ARL11: variants seen among roughly 807,000 people sequenced by gnomAD.
The protein encoded by ARL11 is ARF like GTPase 11, also known as ADP-ribosylation factor-like protein 11.
For synonymous variants in ARL11, 91 were observed against 111.2 expected, an observed-to-expected ratio of 0.82 and a Z score of 1.15; for missense variants, 239 against 250.6, an observed-to-expected ratio of 0.95 and a Z score of 0.31.
In ARL11 at chr13:49,632,570, A is replaced by G. The variant is rs1231204636; in HGVS notation, c.*1532A>G. ...TAACAATCACTGATGTGGTTGTTGT[A>G]TCCCTCATCCAACCCCAGAACACTT... On this transcript the variant is annotated 3_prime_UTR_variant, in exon 2 of 2. Coordinates refer to ENST00000282026, the MANE Select transcript of ARL11 (RefSeq NM_138450.6). 1 of 167,120 alleles carries G rather than the reference A, an allele frequency of 6.0e-6. No homozygotes were observed. The highest frequency in any genetic ancestry group is 1.5e-5 in the Non-Finnish European group (1 of 68,130). 10.4% of individuals were successfully genotyped at this position (167,120 alleles called of 1,614,324 possible). A position where few individuals can be genotyped will look rare whatever the true frequency, so the allele number is the denominator to read the frequency against.
Position 49,629,647 on chromosome 13 carries a change from T to G in ARL11, c.-18-783T>G, listed in dbSNP as rs568214195. 7.9e-5 allele frequency among the ~76,000 whole-genome samples: 12 copies of G among 152,308 alleles called. No individual in the cohort carries two copies. In the South Asian group the frequency reaches 2.5e-3, roughly 32 times the overall value. On this transcript the variant is annotated intron_variant, in intron 1 of 1. Coordinates refer to ENST00000282026, the MANE Select transcript of ARL11 (RefSeq NM_138450.6). Reference sequence around the variant, plus strand: ...GTACCGGTGTGTAGCCCAGGAGCAATGGGCCATACCATATAGCCTAGGTGT... The same window carrying G: ...GTACCGGTGTGTAGCCCAGGAGCAAGGGGCCATACCATATAGCCTAGGTGT...
At position 49,630,312 on chromosome 13, in the gene ARL11, T is replaced by C. The variant is rs961913673; in HGVS notation, c.-18-118T>C. ...GTTTGAAACTCCTGGGCTCAAGTGA[T>C]CCTCCTGCCTTGGCCTCCCACAGTG... On this transcript the variant is annotated intron_variant, in intron 1 of 1. Transcript: ENST00000282026. The C allele has an allele frequency of 2.5e-5, 18 of 712,870 alleles. No individual in the cohort carries two copies. The African/African-American group carries it at 3.2e-4, about 13-fold the overall frequency. 44.2% of individuals were successfully genotyped at this position (712,870 alleles called of 1,614,324 possible). A position where few individuals can be genotyped will look rare whatever the true frequency, so the allele number is the denominator to read the frequency against.
At chr13:49,629,993 T>G (rs1350436498) in intron 1 of ARL11, 1 of 156,676 alleles carries the variant, frequency 6.4e-6, no homozygotes, top group Non-Finnish European at 1.4e-5. Context: ...CAGCTCTGTC[T>G]GACTGGAACT....
rs554225519 is a variant in ARL11, at chr13:49,632,221, T to C, written c.*1183T>C. On this transcript the variant is annotated 3_prime_UTR_variant, in exon 2 of 2. Transcript: ENST00000282026. ...AAGATCAGATCAATAAAATATTTTA[T>C]TTATTCATTAATTTAACAAAAAAAA... is the stretch of plus-strand genomic sequence containing the variant. The C allele has an allele frequency of 6.0e-6, 1 of 167,116 alleles. No individual in the cohort carries two copies. Among genetic ancestry groups the C allele is most frequent in the South Asian group, 2.1e-4 (1 of 4,826 alleles). 10.4% of individuals were successfully genotyped at this position (167,116 alleles called of 1,614,324 possible).
chr13:49,629,871 C>T (rs1964863620), intron 1 of ARL11, among the ~76,000 whole-genome samples: 1 of 152,210 alleles, frequency 6.6e-6, no homozygotes. Flanking sequence ...TCACTCTGTG[C>T]ATGGAACCCA....
At position 49,630,654 on chromosome 13, in the gene ARL11, G is replaced by T. The variant is rs745917227; in HGVS notation, c.207G>T (p.Pro69=). ...LTLWDVGGQA[P]LRASWKDYLE... ...TCTGGGACGTTGGGGGGCAGGCCCC[G>T]CTCAGAGCCAGCTGGAAGGACTATC... The change falls in exon 2 of 2, where the codon CCG becomes CCT. Residue 69 remains proline (P), a synonymous_variant. Transcript: ENST00000282026. 5.6e-6 allele frequency: 9 copies of T among 1,613,994 alleles called. No individual in the cohort carries two copies. In the South Asian group the frequency reaches 7.7e-5, roughly 14 times the overall value.
At position 49,632,115 on chromosome 13, in the gene ARL11, T is replaced by C. The variant is rs1379227442; in HGVS notation, c.*1077T>C. ...ATTAGCCTCTCCCGATTTTATGACA[T>C]CTTGTGTTGATCTTTTTCAAAAACT... On this transcript the variant is annotated 3_prime_UTR_variant, in exon 2 of 2. Transcript: ENST00000282026. 1 of 167,110 alleles carries C rather than the reference T, an allele frequency of 6.0e-6. No individual in the cohort carries two copies. Among genetic ancestry groups the C allele is most frequent in the African/African-American group, 2.4e-5 (1 of 41,474 alleles). 10.4% of individuals were successfully genotyped at this position (167,110 alleles called of 1,614,324 possible). A position where few individuals can be genotyped will look rare whatever the true frequency, so the allele number is the denominator to read the frequency against.
Position 49,631,244 on chromosome 13 carries a change from A to C in ARL11, c.*206A>C. ...ACATCACAACACCCCATTTCTACTA[A>C]TAATCAAAAAATTGGCCGGGCATGG... On this transcript the variant is annotated 3_prime_UTR_variant, in exon 2 of 2. Coordinates refer to ENST00000282026, the MANE Select transcript of ARL11 (RefSeq NM_138450.6). 2.1e-6 allele frequency: 1 copy of C among 475,524 alleles called. No individual in the cohort carries two copies. Among genetic ancestry groups the C allele is most frequent in the Non-Finnish European group, 3.7e-6 (1 of 267,770 alleles). 29.5% of individuals were successfully genotyped at this position (475,524 alleles called of 1,614,324 possible).
In ARL11 at chr13:49,630,701, T is replaced by C. The variant is rs1237259832; in HGVS notation, c.254T>C (p.Val85Ala). ...KDYLEGTDIL[V>A]YVLDSTDEAR... ...TATCTGGAAGGCACAGATATCCTCG[T>C]GTACGTGCTGGACAGCACAGATGAA... The change falls in exon 2 of 2, where the codon GTG (valine) becomes GCG (alanine). Residue 85 changes from valine (V) to alanine (A), a missense_variant. By Grantham distance (64) the Val-to-Ala change is moderately conservative (BLOSUM62 0). Transcript: ENST00000282026. 6.2e-7 allele frequency: 1 copy of C among 1,614,110 alleles called. No homozygotes were observed. The highest frequency in any genetic ancestry group is 1.7e-5 in the Admixed American group (1 of 60,018).
chr13:49,630,221 T>G, intron 1 of ARL11: 29 of 486,634 alleles, frequency 6.0e-5, no homozygotes, highest in Middle Eastern at 5.6e-4. Context: ...CCTGCACAGA[T>G]TTGTGCTCCA....
chr13:49,630,797 T>C lies in ARL11; in HGVS notation c.350T>C (p.Phe117Ser), dbSNP rs1964876684. 1 of 1,611,858 alleles carries C rather than the reference T, an allele frequency of 6.2e-7. No homozygotes were observed. The highest frequency in any genetic ancestry group is 1.3e-5 in the African/African-American group (1 of 74,868). ...LNDPNMAGVPFLVLANKQEAP... is the reference protein window; with the variant it reads ...LNDPNMAGVPSLVLANKQEAP... ...GACCCCAACATGGCTGGCGTCCCCT[T>C]CTTGGTGCTGGCCAACAAGCAGGAG... The change falls in exon 2 of 2, where the codon TTC (phenylalanine) becomes TCC (serine). Residue 117 changes from phenylalanine (F) to serine (S), a missense_variant. By Grantham distance (155) the Phe-to-Ser change is radical. Transcript: ENST00000282026.
At chr13:49,630,177 T>C in intron 1 of ARL11, 1 of 376,494 alleles carries the variant, frequency 2.7e-6, no homozygotes, top group Non-Finnish European at 4.9e-6. Flanking sequence ...CTGTGAAGAC[T>C]TTTCCTGTTT....
At chr13:49,629,138 C>G (rs139969053) in intron 1 of ARL11, among the ~76,000 whole-genome samples, 4 of 152,092 alleles carry the variant, frequency 2.6e-5, no homozygotes, top group Non-Finnish European at 5.9e-5. Context: ...TGGCACATGC[C>G]CATAGTCCCA....
At chr13:49,630,175 A>T in intron 1 of ARL11, 1 of 368,400 alleles carries the variant, frequency 2.7e-6, no homozygotes, top group African/African-American at 2.1e-5. Flanking sequence ...CCCTGTGAAG[A>T]CTTTTCCTGT....
chr13:49,630,650 C>A lies in ARL11; in HGVS notation c.203C>A (p.Ala68Asp), dbSNP rs747265258. ...SLTLWDVGGQAPLRASWKDYL... is the reference protein window; with the variant it reads ...SLTLWDVGGQDPLRASWKDYL... Reference sequence around the variant, plus strand: ...ACTCTCTGGGACGTTGGGGGGCAGGCCCCGCTCAGAGCCAGCTGGAAGGAC... The same window carrying A: ...ACTCTCTGGGACGTTGGGGGGCAGGACCCGCTCAGAGCCAGCTGGAAGGAC... Residue 68 changes from alanine (A) to aspartate (D), a missense_variant, in exon 2 of 2, where the codon GCC becomes GAC. By Grantham distance (126) the Ala-to-Asp change is moderately radical. Coordinates refer to ENST00000282026, the MANE Select transcript of ARL11 (RefSeq NM_138450.6). The A allele has an allele frequency of 9.3e-6, 15 of 1,614,044 alleles. No individual in the cohort carries two copies. Among genetic ancestry groups the A allele is most frequent in the African/African-American group, 8.0e-5 (6 of 74,932 alleles).
rs1376327900 is a variant in ARL11, at chr13:49,630,687, C to T, written c.240C>T (p.Gly80=). Residue 80 remains glycine (G), a synonymous_variant, in exon 2 of 2, where the codon GGC becomes GGT. Transcript: ENST00000282026. ...LRASWKDYLE[G]TDILVYVLDS... is the part of the protein sequence containing the mutation. ...CCAGCTGGAAGGACTATCTGGAAGG[C>T]ACAGATATCCTCGTGTACGTGCTGG... is the stretch of plus-strand genomic sequence containing the variant. The T allele has an allele frequency of 1.2e-6, 2 of 1,614,158 alleles. No homozygotes were observed. The highest frequency in any genetic ancestry group is 3.3e-5 in the Admixed American group (2 of 60,024).
In ARL11 at chr13:49,632,997, A is replaced by G. The variant is rs9535277; in HGVS notation, c.*1959A>G. On this transcript the variant is annotated 3_prime_UTR_variant, in exon 2 of 2. Transcript: ENST00000282026. ...TATTGAGCACTTACTTGGACCAAGC[A>G]CTGTGGTCTTGGTGTTTTACATAGA... 0.37 allele frequency: 62,519 copies of G among 166,826 alleles called. 13,706 individuals carry two copies. The highest frequency in any genetic ancestry group is 0.52 in the Non-Finnish European group (35,121 of 68,038). 10.3% of individuals were successfully genotyped at this position (166,826 alleles called of 1,614,324 possible).
rs958511445 is a variant in ARL11, at chr13:49,630,628, C to T, written c.181C>T (p.Leu61Phe). The T allele has an allele frequency of 1.2e-6, 2 of 1,614,140 alleles. No individual in the cohort carries two copies. Among genetic ancestry groups the T allele is most frequent in the East Asian group, 4.5e-5 (2 of 44,872 alleles). ...LKAPGHVSLT[L>F]WDVGGQAPLR... The stretch of plus-strand genomic sequence containing the variant: ...AGCTCCTGGGCACGTGTCACTGACT[C>T]TCTGGGACGTTGGGGGGCAGGCCCC... Residue 61 changes from leucine (L) to phenylalanine (F), a missense_variant, in exon 2 of 2, where the codon CTC becomes TTC. Leu to Phe is a conservative substitution (Grantham distance 22, BLOSUM62 0). Transcript: ENST00000282026.
In ARL11 at chr13:49,631,064, T is replaced by C; in HGVS notation, c.*26T>C. 1 of 1,497,322 alleles carries C rather than the reference T, an allele frequency of 6.7e-7. No individual in the cohort carries two copies. Among genetic ancestry groups the C allele is most frequent in the Non-Finnish European group, 9.0e-7 (1 of 1,114,352 alleles). 92.8% of individuals were successfully genotyped at this position (1,497,322 alleles called of 1,614,324 possible). A position where few individuals can be genotyped will look rare whatever the true frequency, so the allele number is the denominator to read the frequency against. ...TCCAGACAGAGCAGCATATCTTTGC[T>C]CATACAAACTAGAAGAACCAGCTGA... is the stretch of plus-strand genomic sequence containing the variant. On this transcript the variant is annotated 3_prime_UTR_variant, in exon 2 of 2. Coordinates refer to ENST00000282026, the MANE Select transcript of ARL11 (RefSeq NM_138450.6).
Sources: gnomAD v4.1 joint callset for allele counts (sites outside exome capture counted in the v4.1 genomes callset) on GRCh38, gnomAD v4.1.1 for gene constraint, MANE v1.5 for transcripts, NCBI Gene and HGNC (gene_info 2026-07-23, HGNC 2026-07-21) for gene names.